L3MBTL4: variants seen among roughly 807,000 people sequenced by gnomAD.
L3MBTL4 encodes L3MBTL histone methyl-lysine binding protein 4.
Under a neutral mutation model 84.5 loss-of-function variants are expected in L3MBTL4, and 70 were observed. The ratio of observed to expected loss-of-function variants is 0.83; its 90% confidence interval spans 0.68 to 1.01. L3MBTL4 has a LOEUF of 1.01. L3MBTL4 is among the 50% of genes least tolerant of loss of function. The pLI is 0.00. For synonymous variants in L3MBTL4, 274 were observed against 259.8 expected (o/e 1.05, Z -0.52); for missense variants, 715 against 754.8 (o/e 0.95, Z 0.62).
At chr18:6,268,549 C>T (rs2048733580) in intron 4 of L3MBTL4, among the ~76,000 whole-genome samples, 1 of 152,192 alleles carries the variant, frequency 6.6e-6, no homozygotes. Flanking sequence ...TATGAGACAA[C>T]ACTGCTTCAG....
chr18:6,367,584 A>C (rs1385165441), intron 1 of L3MBTL4: 1 of 152,214 alleles, frequency 6.6e-6, no homozygotes, highest in Admixed American at 6.5e-5. Context: ...GGTCAGGGCA[A>C]TCCCTGACAA....
At chr18:6,288,358 A>G (rs1010721133) in intron 4 of L3MBTL4, among the ~76,000 whole-genome samples, 1 of 152,234 alleles carries the variant, frequency 6.6e-6, no homozygotes, top group Admixed American at 6.5e-5. Flanking sequence ...ATATATGCTA[A>G]CTAACCCAAA....
chr18:5,962,383 G>C (rs2095267956), intron 17 of L3MBTL4, among the ~76,000 whole-genome samples: 1 of 152,182 alleles, frequency 6.6e-6, no homozygotes. Flanking sequence ...GGACAACACA[G>C]GGCCAAAGGG....
chr18:6,314,058 AT>A (rs2050967116), intron 1 of L3MBTL4, among the ~76,000 whole-genome samples: 1 of 149,172 alleles, frequency 6.7e-6, no homozygotes, highest in African/African-American at 2.4e-5. Flanking sequence ...AGATAGATAG[AT>A]AGATAGATAG....
intron 16 of L3MBTL4, among the ~76,000 whole-genome samples, chr18:6,053,956 T>C (rs891031619): frequency 1.3e-5 from 2 of 152,226 alleles, no homozygotes; most frequent in Non-Finnish European, 2.9e-5. Context: ...TACTTCAGAA[T>C]GTATAAAAGA....
At chr18:6,020,814 G>GT (rs554603295) in intron 16 of L3MBTL4, among the ~76,000 whole-genome samples, 163 of 152,240 alleles carry the variant, frequency 1.1e-3, no homozygotes, top group African/African-American at 3.9e-3. Context: ...AATAAATTTG[G>GT]TTTGGACTAG....
chr18:6,235,685 G>A (rs78308398), intron 10 of L3MBTL4, among the ~76,000 whole-genome samples: 3,073 of 152,256 alleles, frequency 0.02, 110 homozygotes, highest in African/African-American at 0.071. Flanking sequence ...GGGTATGGAC[G>A]GGTATAGGGA....
intron 12 of L3MBTL4, among the ~76,000 whole-genome samples, chr18:6,175,951 T>G (rs956512335): frequency 2.6e-5 from 4 of 152,092 alleles, no homozygotes; most frequent in African/African-American, 9.7e-5. Context: ...TTTTAAAAAT[T>G]TCCTTTAGAA....
intron 1 of L3MBTL4, among the ~76,000 whole-genome samples, chr18:6,343,884 C>T (rs1232980150): frequency 6.6e-6 from 1 of 150,438 alleles, no homozygotes; most frequent in Non-Finnish European, 1.5e-5. Flanking sequence ...CATATTAAAA[C>T]TTATGGGAGG....
At chr18:6,173,770 A>G (rs1424588785) in intron 12 of L3MBTL4, among the ~76,000 whole-genome samples, 1 of 152,078 alleles carries the variant, frequency 6.6e-6, no homozygotes, top group Admixed American at 6.6e-5. Flanking sequence ...GCACAGCAAG[A>G]CCCTGTCTCA....
At position 6,368,731 on chromosome 18, in the gene L3MBTL4, A is replaced by G. The variant is rs188416511; in HGVS notation, c.-91+46070T>C. On this transcript the variant is annotated intron_variant, in intron 1 of 18. Transcript: ENST00000317931. ...AACTGGCAAACAGTGCTGTCCAATT[A>G]TTAATATTAATAAAAGTCAACGTCT... is the stretch of plus-strand genomic sequence containing the variant. Among the ~76,000 whole-genome samples the G allele has an allele frequency of 1.3e-5, 2 of 152,274 alleles. 1 individual carries two copies. Among genetic ancestry groups the G allele is most frequent in the Non-Finnish European group, 2.9e-5 (2 of 68,022 alleles).
chr18:5,958,130 A>AAAAAG (rs2095242517), intron 18 of L3MBTL4, among the ~76,000 whole-genome samples: 63 of 31,784 alleles, frequency 2.0e-3, no homozygotes, highest in Middle Eastern at 0.027. Context: ...AGAAGAAGAA[A>AAAAAG]AAGAAGAAGA....
chr18:6,370,474 C>G (rs996122524), intron 1 of L3MBTL4, among the ~76,000 whole-genome samples: 4 of 152,174 alleles, frequency 2.6e-5, no homozygotes, highest in Admixed American at 1.3e-4. Context: ...ACCAGCCGCC[C>G]GTCTATGAGC....
At chr18:6,208,517 T>C (rs1475056917) in intron 12 of L3MBTL4, among the ~76,000 whole-genome samples, 1 of 152,246 alleles carries the variant, frequency 6.6e-6, no homozygotes, top group African/African-American at 2.4e-5. Context: ...CATTTATAAT[T>C]CATTTCACAG....
intron 1 of L3MBTL4, among the ~76,000 whole-genome samples, chr18:6,346,274 T>TA (rs1298188727): frequency 6.6e-6 from 1 of 151,724 alleles, no homozygotes; most frequent in Admixed American, 6.6e-5. Context: ...TTCACATTGG[T>TA]CTTGACAATG....
intron 12 of L3MBTL4, among the ~76,000 whole-genome samples, chr18:6,175,763 T>C (rs1478846452): frequency 2.6e-5 from 4 of 152,048 alleles, no homozygotes; most frequent in Non-Finnish European, 5.9e-5. Flanking sequence ...ATCCCCAAAA[T>C]CAAGAATAAG....
intron 16 of L3MBTL4, among the ~76,000 whole-genome samples, chr18:6,054,934 C>T (rs927223026): frequency 2.6e-5 from 4 of 152,222 alleles, no homozygotes; most frequent in African/African-American, 9.6e-5. Flanking sequence ...GCTTCACTTA[C>T]AGGTTATTCC....
intron 1 of L3MBTL4, among the ~76,000 whole-genome samples, chr18:6,342,836 G>T (rs1349163585): frequency 6.6e-6 from 1 of 151,766 alleles, no homozygotes; most frequent in Non-Finnish European, 1.5e-5. Flanking sequence ...GTTTCTAAGA[G>T]ACTGACATTA....
intron 16 of L3MBTL4, among the ~76,000 whole-genome samples, chr18:5,988,950 C>G (rs1192322051): frequency 2.0e-5 from 3 of 152,214 alleles, no homozygotes; most frequent in African/African-American, 7.2e-5. Flanking sequence ...CGCTTCTATA[C>G]TAAGACCCTG....
Sources: allele counts gnomAD v4.1 joint callset (sites outside exome capture counted in the v4.1 genomes callset), GRCh38; gene constraint gnomAD v4.1.1; transcripts MANE v1.5; gene names NCBI Gene and HGNC (gene_info 2026-07-23, HGNC 2026-07-21).